The following CHSY3 variants were observed in gnomAD, a reference collection of about 807,000 sequenced individuals.
CHSY3 encodes the protein chondroitin sulfate synthase 3.
A neutral mutation model predicts 67.2 loss-of-function variants in CHSY3; 35 were observed. That is an observed-to-expected ratio of 0.52 (90% confidence interval 0.40 to 0.69). The LOEUF (loss-of-function observed/expected upper bound fraction) is 0.69. Among genes scored for constraint, CHSY3 ranks in the 30% least tolerant of loss-of-function variants. CHSY3 has a pLI of 0.00. For synonymous variants in CHSY3, 474 were observed against 434.7 expected (o/e 1.09, Z -1.12); for missense variants, 1,069 against 1,138.5 (o/e 0.94, Z 0.88).
chr5:130,080,799 T>C (rs917123256), intron 2 of CHSY3, among the ~76,000 whole-genome samples: 5 of 152,032 alleles, frequency 3.3e-5, no homozygotes, highest in Admixed American at 2.6e-4. Flanking sequence ...ATTATACCTG[T>C]AGGGGCCAAG....
chr5:129,967,198 A>G (rs1454778363), intron 2 of CHSY3, among the ~76,000 whole-genome samples: 1 of 151,824 alleles, frequency 6.6e-6, no homozygotes. Context: ...ACATTTATAT[A>G]GGGTGAGAAA....
At chr5:130,003,000 G>C (rs1054759604) in intron 2 of CHSY3, among the ~76,000 whole-genome samples, 2 of 152,058 alleles carry the variant, frequency 1.3e-5, no homozygotes, top group South Asian at 4.2e-4. Context: ...TAGTTTCTTT[G>C]GGTTGCTTTG....
intron 2 of CHSY3, among the ~76,000 whole-genome samples, chr5:129,951,465 T>C (rs757261384): frequency 5.9e-5 from 9 of 152,346 alleles, no homozygotes; most frequent in Non-Finnish European, 1.0e-4. Flanking sequence ...ATATGACATT[T>C]TCTATTTGAA....
At chr5:130,064,237 T>G (rs1322331373) in intron 2 of CHSY3, among the ~76,000 whole-genome samples, 1 of 152,100 alleles carries the variant, frequency 6.6e-6, no homozygotes, top group Non-Finnish European at 1.5e-5. Flanking sequence ...GTGATTATTT[T>G]AGGTACATAC....
chr5:129,960,809 A>T (rs185414004), intron 2 of CHSY3, among the ~76,000 whole-genome samples: 2 of 152,070 alleles, frequency 1.3e-5, no homozygotes, highest in Admixed American at 6.6e-5. Flanking sequence ...GAAACATTTT[A>T]TATGTACCCT....
At chr5:130,135,179 T>G (rs1404856259) in intron 2 of CHSY3, among the ~76,000 whole-genome samples, 1 of 151,998 alleles carries the variant, frequency 6.6e-6, no homozygotes, top group African/African-American at 2.4e-5. Flanking sequence ...TAAATATATG[T>G]GTGTATACAT....
At chr5:130,053,779 G>T (rs1765441362) in intron 2 of CHSY3, among the ~76,000 whole-genome samples, 1 of 152,180 alleles carries the variant, frequency 6.6e-6, no homozygotes, top group East Asian at 1.9e-4. Flanking sequence ...CAACATTAAT[G>T]ATAGAAATCA....
chr5:130,185,792 C>G lies in CHSY3; in HGVS notation c.*1C>G. The G allele has an allele frequency of 1.3e-6, 2 of 1,549,738 alleles. No homozygotes were observed. Among genetic ancestry groups the G allele is most frequent in the Non-Finnish European group, 1.7e-6 (2 of 1,148,680 alleles). The stretch of plus-strand genomic sequence containing the variant: ...CAGGTACAATCGAACTCTCTCCTGA[C>G]AGTCCAGGCAACACATTTTGCCTTT... On this transcript the variant is annotated 3_prime_UTR_variant, in exon 3 of 3. Coordinates refer to ENST00000305031, the MANE Select transcript of CHSY3 (RefSeq NM_175856.5).
chr5:130,100,350 A>ATTTTTTTTTTT (rs3065055), intron 2 of CHSY3, among the ~76,000 whole-genome samples: 1 of 131,688 alleles, frequency 7.6e-6, no homozygotes, highest in African/African-American at 2.8e-5. Context: ...ATGCTTGGCT[A>ATTTTTTTTTTT]TTTTTTTTTT....
At chr5:129,923,379 T>C (rs965688213) in intron 2 of CHSY3, among the ~76,000 whole-genome samples, 1 of 152,106 alleles carries the variant, frequency 6.6e-6, no homozygotes, top group Non-Finnish European at 1.5e-5. Flanking sequence ...AGTTTTGCTT[T>C]GTGAACATCG....
At chr5:129,906,983 GATAATTGGAT>G in intron 1 of CHSY3, among the ~76,000 whole-genome samples, 1 of 152,136 alleles carries the variant, frequency 6.6e-6, no homozygotes, top group East Asian at 1.9e-4. Context: ...AGAAAATACT[GATAATTGGAT>G]ATAAAAATAA....
intron 2 of CHSY3, among the ~76,000 whole-genome samples, chr5:130,011,689 A>G (rs764795206): frequency 3.9e-5 from 6 of 152,022 alleles, no homozygotes; most frequent in Non-Finnish European, 8.8e-5. Flanking sequence ...AACTATCTCT[A>G]TTATGTGATT....
At chr5:129,913,584 A>G (rs965362086) in intron 2 of CHSY3, among the ~76,000 whole-genome samples, 4 of 152,162 alleles carry the variant, frequency 2.6e-5, no homozygotes, top group Non-Finnish European at 2.9e-5. Flanking sequence ...TTTTAACAAG[A>G]TCACTTATAT....
intron 2 of CHSY3, among the ~76,000 whole-genome samples, chr5:130,105,616 G>C (rs1767389734): frequency 6.6e-6 from 1 of 151,638 alleles, no homozygotes; most frequent in Non-Finnish European, 1.5e-5. Flanking sequence ...CTATGCAGTG[G>C]CTACTAACTA....
intron 2 of CHSY3, among the ~76,000 whole-genome samples, chr5:129,997,226 C>A (rs761147974): frequency 4.0e-4 from 61 of 152,148 alleles, no homozygotes; most frequent in Non-Finnish European, 3.8e-4. Flanking sequence ...TTTGTCAAAG[C>A]CAATATATGA....
intron 2 of CHSY3, among the ~76,000 whole-genome samples, chr5:129,911,217 A>T (rs1310607444): frequency 6.6e-6 from 1 of 151,926 alleles, no homozygotes; most frequent in Non-Finnish European, 1.5e-5. Context: ...TTTTTTAAAA[A>T]TCCAGGATTG....
intron 2 of CHSY3, among the ~76,000 whole-genome samples, chr5:129,988,227 A>C (rs1056104281): frequency 6.6e-6 from 1 of 152,228 alleles, no homozygotes; most frequent in Non-Finnish European, 1.5e-5. Flanking sequence ...GCCATTTTAC[A>C]TGTGAGTCCA....
chr5:129,923,286 G>T (rs566726924), intron 2 of CHSY3, among the ~76,000 whole-genome samples: 2 of 151,830 alleles, frequency 1.3e-5, no homozygotes, highest in South Asian at 4.2e-4. Flanking sequence ...AGAAGAAAAA[G>T]AAAAAAAATA....
intron 2 of CHSY3, among the ~76,000 whole-genome samples, chr5:129,981,054 A>G (rs1252809178): frequency 3.2e-5 from 1 of 31,418 alleles, no homozygotes; most frequent in Non-Finnish European, 7.9e-5. Flanking sequence ...AAAATACAAA[A>G]AAAAAAAAAA....
Sources: allele counts gnomAD v4.1 joint callset (sites outside exome capture counted in the v4.1 genomes callset), GRCh38; gene constraint gnomAD v4.1.1; transcripts MANE v1.5; gene names NCBI Gene and HGNC (gene_info 2026-07-23, HGNC 2026-07-21).